GABRA2: variants seen among roughly 807,000 people sequenced by gnomAD.
GABRA2 encodes the protein gamma-aminobutyric acid receptor subunit alpha-2.
GABRA2 carries 16 observed loss-of-function variants against 48.7 expected under a neutral mutation model. The observed-to-expected ratio is 0.33, with a 90% CI of 0.22 to 0.50. GABRA2 has a LOEUF of 0.50. GABRA2 is among the 20% of genes least tolerant of loss of function. The pLI, the probability that GABRA2 is intolerant of heterozygous loss-of-function variation, is 0.98. For synonymous variants in GABRA2, 185 were observed against 184.5 expected (o/e 1.00, Z -0.02); for missense variants, 275 against 535.6 (o/e 0.51, Z 4.80).
intron 3 of GABRA2, among the ~76,000 whole-genome samples, chr4:46,343,527 A>G (rs1348696292): frequency 1.3e-5 from 2 of 152,130 alleles, no homozygotes; most frequent in Non-Finnish European, 1.5e-5. Context: ...AAAGATATTG[A>G]TATAAAATAT....
At chr4:46,315,109 G>C (rs563923890) in intron 4 of GABRA2, among the ~76,000 whole-genome samples, 1 of 150,772 alleles carries the variant, frequency 6.6e-6, no homozygotes, top group Non-Finnish European at 1.5e-5. Context: ...CCCAGCAACA[G>C]TGTGTAAGTA....
In GABRA2 at chr4:46,293,115, A is replaced by G. The variant is rs114925392; in HGVS notation, c.856+10345T>C. On this transcript the variant is annotated intron_variant, in intron 8 of 9. Coordinates refer to ENST00000381620, the MANE Select transcript of GABRA2 (RefSeq NM_000807.4). Reference sequence around the variant, plus strand: ...TTGGCTAATTAATCATGGTGACTCTATAAGTGAAATTTATAGAAAGCCTAC... The same window carrying G: ...TTGGCTAATTAATCATGGTGACTCTGTAAGTGAAATTTATAGAAAGCCTAC... Among the ~76,000 whole-genome samples the G allele has an allele frequency of 3.1e-3, 467 of 152,260 alleles. 2 individuals are homozygous for G. The highest frequency in any genetic ancestry group is 0.011 in the African/African-American group (444 of 41,552).
chr4:46,308,252 T>G (rs1258690545), intron 6 of GABRA2, among the ~76,000 whole-genome samples: 1 of 152,132 alleles, frequency 6.6e-6, no homozygotes, highest in Non-Finnish European at 1.5e-5. Context: ...AAGGAAAAAT[T>G]TAAAGGTATG....
intron 8 of GABRA2, among the ~76,000 whole-genome samples, chr4:46,270,643 CAT>C (rs1198190983): frequency 2.0e-5 from 3 of 151,944 alleles, no homozygotes; most frequent in East Asian, 1.9e-4. Flanking sequence ...TTCTCTATAA[CAT>C]GTGAAATATA....
intron 4 of GABRA2, among the ~76,000 whole-genome samples, chr4:46,331,838 C>T (rs147898102): frequency 3.8e-4 from 58 of 152,200 alleles, no homozygotes; most frequent in African/African-American, 1.3e-3. Context: ...CTCAAGTGAT[C>T]CTCCCACATC....
chr4:46,277,393 C>A (rs568067052), intron 8 of GABRA2, among the ~76,000 whole-genome samples: 1 of 152,220 alleles, frequency 6.6e-6, no homozygotes, highest in East Asian at 1.9e-4. Flanking sequence ...CTCCTGTTAG[C>A]ACTCCCAGCC....
rs1726554173 is a variant in GABRA2, at chr4:46,305,646, C to A, written c.625G>T (p.Ala209Ser). Residue 209 changes from alanine (A) to serine (S), a missense_variant, in exon 7 of 10, where the codon GCT (alanine) becomes TCT (serine). Around this residue, in one of 4 missense-constraint regions of GABRA2, gnomAD observed 113 missense variants for 257.1 expected, o/e 0.44. Coordinates refer to ENST00000381620, the MANE Select transcript of GABRA2 (RefSeq NM_000807.4). The part of the protein sequence containing the change: ...TYNASDSVQV[A>S]PDGSRLNQYD... ...TGATTTAACCTAGAGCCATCAGGAG[C>A]AACCTGTACTGAATCAGATGCATTG... 6.2e-7 allele frequency: 1 copy of A among 1,613,358 alleles called. No homozygotes were observed. Among genetic ancestry groups the A allele is most frequent in the Non-Finnish European group, 8.5e-7 (1 of 1,179,378 alleles).
chr4:46,385,824 A>G (rs2109374469), intron 3 of GABRA2, among the ~76,000 whole-genome samples: 1 of 152,244 alleles, frequency 6.6e-6, no homozygotes, highest in East Asian at 1.9e-4. Context: ...AAGTTAATTT[A>G]AAAACTATTC....
chr4:46,381,673 A>T (rs1716773480), intron 3 of GABRA2, among the ~76,000 whole-genome samples: 1 of 152,182 alleles, frequency 6.6e-6, no homozygotes, highest in African/African-American at 2.4e-5. Context: ...TATAAATAGA[A>T]TCAGTGGAAC....
intron 8 of GABRA2, among the ~76,000 whole-genome samples, chr4:46,302,081 T>TC (rs920605353): frequency 1.5e-4 from 23 of 152,074 alleles, no homozygotes; most frequent in African/African-American, 5.3e-4. Flanking sequence ...ATTCTTTTTT[T>TC]TTTTTGAGAC....
chr4:46,283,538 G>T (rs556656243), intron 8 of GABRA2, among the ~76,000 whole-genome samples: 4 of 152,266 alleles, frequency 2.6e-5, no homozygotes, highest in South Asian at 2.1e-4. Flanking sequence ...ATAAAAAGTC[G>T]AAATGAATCA....
In GABRA2 at chr4:46,309,587, C is replaced by A. The variant is rs141254684; in HGVS notation, c.559+586G>T. Among the ~76,000 whole-genome samples the A allele has an allele frequency of 3.6e-4, 54 of 152,008 alleles. No homozygotes were observed. The Middle Eastern group carries it at 0.014, about 38-fold the overall frequency. On this transcript the variant is annotated intron_variant, in intron 6 of 9. Transcript: ENST00000381620. ...AGAATGAATGCTTCTGCTTGACATACAAGATATAACCCTTCTGACCTAAAG... is the reference window on the plus strand; with the variant it reads ...AGAATGAATGCTTCTGCTTGACATAAAAGATATAACCCTTCTGACCTAAAG...
chr4:46,344,882 T>C (rs1733884324), intron 3 of GABRA2, among the ~76,000 whole-genome samples: 1 of 151,950 alleles, frequency 6.6e-6, no homozygotes, highest in Non-Finnish European at 1.5e-5. Flanking sequence ...TAAATAATGA[T>C]TCCAGGTCAA....
At chr4:46,324,763 TTCTG>T (rs1481790617) in intron 4 of GABRA2, among the ~76,000 whole-genome samples, 10 of 151,890 alleles carry the variant, frequency 6.6e-5, no homozygotes, top group Admixed American at 6.6e-4. Flanking sequence ...GTTCCTATCT[TTCTG>T]TCTATGTGTA....
At position 46,250,204 on chromosome 4, in the gene GABRA2, G is replaced by T; in HGVS notation, c.*104C>A. On this transcript the variant is annotated 3_prime_UTR_variant, in exon 10 of 10. Coordinates refer to ENST00000381620, the MANE Select transcript of GABRA2 (RefSeq NM_000807.4). ...TAAGCTATGTCACTATATACATACT[G>T]TACATGTTGGATCACAAATTAGCAG... 1 of 942,792 alleles carries T rather than the reference G, an allele frequency of 1.1e-6. No homozygotes were observed. The highest frequency in any genetic ancestry group is 1.6e-5 in the South Asian group (1 of 63,056). The allele number at this position is 942,792 out of a possible 1,614,324, so 58.4% of individuals were successfully genotyped here.
At chr4:46,324,460 C>G (rs1729983511) in intron 4 of GABRA2, among the ~76,000 whole-genome samples, 1 of 151,946 alleles carries the variant, frequency 6.6e-6, no homozygotes, top group Middle Eastern at 3.2e-3. Flanking sequence ...TTCCCAAAGA[C>G]AGCCTCAAAA....
intron 3 of GABRA2, among the ~76,000 whole-genome samples, chr4:46,357,836 T>G (rs954035675): frequency 2.0e-5 from 3 of 151,882 alleles, no homozygotes; most frequent in Middle Eastern, 3.2e-3. Context: ...AATTTTTGTA[T>G]TTTTAGTAGA....
At chr4:46,324,173 C>T (rs1442196051) in intron 4 of GABRA2, among the ~76,000 whole-genome samples, 1 of 151,966 alleles carries the variant, frequency 6.6e-6, no homozygotes, top group Non-Finnish European at 1.5e-5. Context: ...TGTTTTTAAT[C>T]TAATGACATA....
chr4:46,245,240 A>G lies in GABRA2; in HGVS notation c.*5068T>C, dbSNP rs952824280. 4.0e-5 allele frequency among the ~76,000 whole-genome samples: 6 copies of G among 151,366 alleles called. No homozygotes were observed. The highest frequency in any genetic ancestry group is 1.3e-4 in the Admixed American group (2 of 15,138). On this transcript the variant is annotated 3_prime_UTR_variant, in exon 10 of 10. Transcript: ENST00000381620. ...GCTCTCTGTAAGAATTATACTCTGA[A>G]TCATTCCAATTCAAAAAGTAAGGTA...
Sources: allele counts gnomAD v4.1 joint callset (sites outside exome capture counted in the v4.1 genomes callset), GRCh38; gene constraint gnomAD v4.1.1; regional missense constraint gnomAD v4.1.1; transcripts MANE v1.5; gene names NCBI Gene and HGNC (gene_info 2026-07-23, HGNC 2026-07-21).